CAMK2A: variants seen among roughly 807,000 people sequenced by gnomAD.
The protein encoded by CAMK2A is calcium/calmodulin-dependent protein kinase type II subunit alpha.
In CAMK2A, 7 loss-of-function variants were observed where a neutral mutation model predicts 79.2. The ratio of observed to expected loss-of-function variants is 0.09; its 90% CI spans 0.05 to 0.17. The LOEUF is 0.17. Among genes scored for constraint, CAMK2A ranks in the 10% least tolerant of loss-of-function variants. The pLI is 1.00. For synonymous variants in CAMK2A, 242 were observed against 251.7 expected (o/e 0.96, Z 0.36); for missense variants, 214 against 646.4 (o/e 0.33, Z 7.25).
intron 1 of CAMK2A, among the ~76,000 whole-genome samples, chr5:150,279,375 C>T (rs1757115816): frequency 6.6e-6 from 1 of 152,196 alleles, no homozygotes; most frequent in Non-Finnish European, 1.5e-5. Flanking sequence ...TTCTTCCTAG[C>T]AAGCTACTTC....
intron 13 of CAMK2A, among the ~76,000 whole-genome samples, chr5:150,242,403 C>A (rs773885334): frequency 1.3e-5 from 2 of 152,144 alleles, no homozygotes; most frequent in Non-Finnish European, 2.9e-5. Context: ...CTCCAAGGCC[C>A]ATAAAGGATA....
intron 15 of CAMK2A, among the ~76,000 whole-genome samples, chr5:150,238,106 C>A (rs1755164035): frequency 6.6e-6 from 1 of 152,172 alleles, no homozygotes; most frequent in Non-Finnish European, 1.5e-5. Context: ...ACACTTATGA[C>A]TTGAACATGT....
At chr5:150,250,411 A>G in intron 10 of CAMK2A, 102 bp from the exon 11 acceptor site, 1 of 1,001,364 alleles carries the variant, frequency 1.0e-6, no homozygotes, top group Non-Finnish European at 1.6e-6. Context: ...GGTGTGGTTG[A>G]CATCTTGGGA....
At chr5:150,245,372 C>T (rs1044443442) in intron 12 of CAMK2A, 171 bp from the exon 13 acceptor site, 11 of 619,662 alleles carry the variant, frequency 1.8e-5, no homozygotes, top group East Asian at 3.0e-5. Flanking sequence ...TCCTCCTCCT[C>T]CTCCCTCCTT....
At chr5:150,264,447 G>A (rs543322339) in intron 3 of CAMK2A, among the ~76,000 whole-genome samples, 9 of 152,350 alleles carry the variant, frequency 5.9e-5, no homozygotes, top group South Asian at 2.1e-4. Flanking sequence ...CCATCCCCAC[G>A]GGTTCTGCTG....
At chr5:150,233,262 G>T (rs2114029781) in intron 15 of CAMK2A, among the ~76,000 whole-genome samples, 1 of 152,362 alleles carries the variant, frequency 6.6e-6, no homozygotes, top group African/African-American at 2.4e-5. Flanking sequence ...AACTGAAGGT[G>T]AAAGAAGCTA....
chr5:150,274,180 C>T (rs1756862361), intron 1 of CAMK2A, among the ~76,000 whole-genome samples: 1 of 152,222 alleles, frequency 6.6e-6, no homozygotes, highest in Non-Finnish European at 1.5e-5. Context: ...AAGAGTGAAG[C>T]TGAGCATCTT....
intron 7 of CAMK2A, 135 bp downstream of exon 7, chr5:150,253,309 C>A: frequency 1.5e-6 from 1 of 687,724 alleles, no homozygotes. Flanking sequence ...TGGGACAGGG[C>A]CTCTGCTCTA....
At chr5:150,229,808 A>ACT (rs1270533209) in intron 16 of CAMK2A, among the ~76,000 whole-genome samples, 1 of 152,162 alleles carries the variant, frequency 6.6e-6, no homozygotes, top group Non-Finnish European at 1.5e-5. Context: ...TTTATGCAAC[A>ACT]CTCAGGTATA....
At chr5:150,261,731 G>A (rs1435514487) in intron 3 of CAMK2A, among the ~76,000 whole-genome samples, 5 of 152,102 alleles carry the variant, frequency 3.3e-5, no homozygotes, top group African/African-American at 7.2e-5. Flanking sequence ...TCAGACTTGC[G>A]GAGTTCGTCT....
intron 1 of CAMK2A, among the ~76,000 whole-genome samples, chr5:150,286,115 G>C (rs1757415295): frequency 6.6e-6 from 1 of 152,184 alleles, no homozygotes; most frequent in African/African-American, 2.4e-5. Context: ...CCTCCTGCAA[G>C]CTTCGGTGCC....
chr5:150,254,518 T>C (rs1755970045), intron 6 of CAMK2A, among the ~76,000 whole-genome samples: 1 of 152,172 alleles, frequency 6.6e-6, no homozygotes, highest in South Asian at 2.1e-4. Context: ...ATGATGAGGC[T>C]TATACATGGG....
chr5:150,265,961 A>C (rs916915794), intron 2 of CAMK2A, among the ~76,000 whole-genome samples: 2 of 152,120 alleles, frequency 1.3e-5, no homozygotes, highest in African/African-American at 2.4e-5. Flanking sequence ...AAAGAAAAGA[A>C]AAAAGAAATA....
At chr5:150,250,878 T>C in intron 9 of CAMK2A, 68 bp from the exon 10 acceptor site, 38 of 1,576,256 alleles carry the variant, frequency 2.4e-5, no homozygotes, top group Non-Finnish European at 3.1e-5. Context: ...CCCCAGCCCC[T>C]GACTGGCAGG....
chr5:150,261,816 T>C (rs1756316912), intron 3 of CAMK2A, among the ~76,000 whole-genome samples: 1 of 152,214 alleles, frequency 6.6e-6, no homozygotes, highest in Non-Finnish European at 1.5e-5. Flanking sequence ...TTCCAAACAG[T>C]AATGCTAATA....
chr5:150,238,501 A>G, intron 15 of CAMK2A, 199 bp downstream of exon 15: 1 of 685,868 alleles, frequency 1.5e-6, no homozygotes. Flanking sequence ...TCTACACACC[A>G]GCAGTAGTTC....
In CAMK2A at chr5:150,264,943, C is replaced by T. The variant is rs551668565; in HGVS notation, c.217+13G>A. ...CTGGCTCCCCTGCGCCCCTCTCATC[C>T]CACAAGGCTCACCGATGTTGGGGTG... On this transcript the variant is annotated intron_variant, in intron 3 of 18. Coordinates refer to ENST00000671881, the MANE Select transcript of CAMK2A (RefSeq NM_015981.4). 160 of 1,612,674 alleles carry T rather than the reference C, an allele frequency of 9.9e-5. 4 individuals are homozygous for T. In the South Asian group the frequency reaches 1.7e-3, roughly 17 times the overall value.
Position 150,257,447 on chromosome 5 carries a change from C to T in CAMK2A, c.272+116G>A, listed in dbSNP as rs1161451266. 5.6e-6 allele frequency: 5 copies of T among 885,608 alleles called. No homozygotes were observed. In the African/African-American group the frequency reaches 6.6e-5, roughly 12 times the overall value. The allele number at this position is 885,608 out of a possible 1,614,324, so 54.9% of individuals were successfully genotyped here. The stretch of plus-strand genomic sequence containing the variant: ...CACTGCTTGGGTGGCAGGCCCACCA[C>T]ATTTGGGGAAACTCTGGACCACAAG... On this transcript the variant is annotated intron_variant, in intron 4 of 18. Coordinates refer to ENST00000671881, the MANE Select transcript of CAMK2A (RefSeq NM_015981.4).
intron 3 of CAMK2A, among the ~76,000 whole-genome samples, chr5:150,263,566 TACAC>T (rs912597931): frequency 1.3e-5 from 2 of 149,238 alleles, no homozygotes; most frequent in Non-Finnish European, 1.5e-5. Context: ...CACTGTCACA[TACAC>T]ACACACATAC....
Sources: gnomAD v4.1 joint callset for allele counts (sites outside exome capture counted in the v4.1 genomes callset) on GRCh38, gnomAD v4.1.1 for gene constraint, MANE v1.5 for transcripts, NCBI Gene and HGNC (gene_info 2026-07-23, HGNC 2026-07-21) for gene names.